The following MYH1 variants were observed in gnomAD, a reference collection of about 807,000 sequenced individuals.
MYH1 encodes myosin-1.
Under a neutral mutation model 225.6 loss-of-function variants are expected in MYH1, and 214 were observed. The ratio of observed to expected loss-of-function variants is 0.95; its 90% CI spans 0.85 to 1.06. MYH1 has a LOEUF of 1.06. MYH1 is among the 50% of genes least tolerant of loss of function. The pLI is 0.00. For synonymous variants in MYH1, 774 were observed against 842.3 expected (o/e 0.92, Z 1.40); for missense variants, 2,098 against 2,344.2 (o/e 0.89, Z 2.17).
At chr17:10,500,537 A>C in intron 28 of MYH1, 89 bp downstream of exon 28, 2 of 1,582,866 alleles carry the variant, frequency 1.3e-6, no homozygotes, top group Non-Finnish European at 1.7e-6. Flanking sequence ...GTAGTATATG[A>C]CCTCAAGTAA....
Position 10,501,674 on chromosome 17 carries a change from C to T in MYH1, c.3268G>A (p.Glu1090Lys). Residue 1090 changes from glutamate to lysine, a missense_variant, in exon 26 of 40, where the codon GAA (glutamate) becomes AAA (lysine). Transcript: ENST00000226207. The stretch of plus-strand genomic sequence containing the variant: ...ATCTTGCTTTGCAGACCGCTCATTT[C>T]AAACTCTTTCCTATTAGAAAAGCCC... ...LDEKLKKKEF[E>K]MSGLQSKIED... 6.2e-7 allele frequency: 1 copy of T among 1,614,224 alleles called. No homozygotes were observed. The highest frequency in any genetic ancestry group is 8.5e-7 in the Non-Finnish European group (1 of 1,180,040).
chr17:10,506,963 T>G (rs904069045), intron 17 of MYH1, among the ~76,000 whole-genome samples: 3 of 152,238 alleles, frequency 2.0e-5, no homozygotes, highest in Non-Finnish European at 4.4e-5. Flanking sequence ...TTACCAAGCG[T>G]GTAAAGTTTT....
chr17:10,503,332 G>C, intron 22 of MYH1, 84 bp from the exon 23 acceptor site: 3 of 1,544,400 alleles, frequency 1.9e-6, no homozygotes, highest in Non-Finnish European at 2.6e-6. Flanking sequence ...AACCAAACAA[G>C]TAAATTGTTT....
chr17:10,513,215 T>C (rs1441440840), intron 9 of MYH1, among the ~76,000 whole-genome samples: 1 of 152,184 alleles, frequency 6.6e-6, no homozygotes, highest in Non-Finnish European at 1.5e-5. Context: ...ATTTGGAATA[T>C]AATTGAGTCC....
chr17:10,505,063 T>A lies in MYH1; in HGVS notation c.2438A>T (p.Glu813Val), dbSNP rs191339081. The A allele has an allele frequency of 8.7e-5, 141 of 1,614,144 alleles. 1 individual carries two copies. In the East Asian group the frequency reaches 2.4e-3, roughly 27 times the overall value. Residue 813 changes from glutamate to valine, a missense_variant and splice_region_variant, in exon 22 of 40, where the codon GAG becomes GTG. Physicochemically the swap from Glu to Val is moderately radical, Grantham distance 121. Coordinates refer to ENST00000226207, the MANE Select transcript of MYH1 (RefSeq NM_005963.4). ...ATTGTACTGGATGCAGAAGATGGAC[T>A]CTCTGTCATAGGAACAGAAATGTCC... ...VEYQKMVERR[E>V]SIFCIQYNVR... is the part of the protein sequence containing the mutation.
Position 10,497,723 on chromosome 17 carries a change from G to A in MYH1, c.4365+11C>T. ...TGTGTTGAAAGTTGAAGCAAAAACTGGAGAGAATACCTTATCAAAGTTCCT... is the reference window on the plus strand; with the variant it reads ...TGTGTTGAAAGTTGAAGCAAAAACTAGAGAGAATACCTTATCAAAGTTCCT... On this transcript the variant is annotated intron_variant, in intron 31 of 39. Coordinates refer to ENST00000226207, the MANE Select transcript of MYH1 (RefSeq NM_005963.4). The A allele has an allele frequency of 8.7e-6, 14 of 1,612,756 alleles. No individual in the cohort carries two copies. The highest frequency in any genetic ancestry group is 1.3e-5 in the African/African-American group (1 of 74,898).
At chr17:10,511,638 G>A (rs912838951) in intron 14 of MYH1, among the ~76,000 whole-genome samples, 2 of 152,184 alleles carry the variant, frequency 1.3e-5, no homozygotes, top group Non-Finnish European at 2.9e-5. Context: ...TGGCAGAGCA[G>A]GAGTTTGAAT....
Position 10,502,750 on chromosome 17 carries a change from T to A in MYH1, c.3099A>T (p.Gln1033His), listed in dbSNP as rs1349240600. The change falls in exon 24 of 40, where the codon CAA (glutamine) becomes CAT (histidine). Residue 1033 changes from glutamine to histidine, a missense_variant. By Grantham distance (24) the Gln-to-His change is conservative. Coordinates refer to ENST00000226207, the MANE Select transcript of MYH1 (RefSeq NM_005963.4). Reference sequence around the variant, plus strand: ...ATGTTAGGCTTACATCATCCACTTGTTGTTCAAGTTTGATTTTAGCTTTGG... The same window carrying A: ...ATGTTAGGCTTACATCATCCACTTGATGTTCAAGTTTGATTTTAGCTTTGG... ...TLTKAKIKLEQQVDDLEGSLE... is the reference protein window; with the variant it reads ...TLTKAKIKLEHQVDDLEGSLE... 3.7e-6 allele frequency: 6 copies of A among 1,614,054 alleles called. No homozygotes were observed. The African/African-American group carries it at 8.0e-5, about 22-fold the overall frequency.
At position 10,516,199 on chromosome 17, in the gene MYH1, G is replaced by A. The variant is rs768724975; in HGVS notation, c.348C>T (p.Tyr116=). 28 of 1,614,078 alleles carry A rather than the reference G, an allele frequency of 1.7e-5. 1 individual carries two copies. Among genetic ancestry groups the A allele is most frequent in the Middle Eastern group, 3.3e-4 (2 of 6,084 alleles). ...LKERYAAWMI[Y]TYSGLFCVTV... ...TAGAAGACCGTGAGAAAGAACTCAC[G>A]TAGATCATCCAGGCTGCGTAGCGCT... is the stretch of plus-strand genomic sequence containing the variant. The change falls in exon 4 of 40, where the codon TAC becomes TAT. Residue 116 remains tyrosine (Y), a splice_region_variant and synonymous_variant. Transcript: ENST00000226207.
At position 10,516,450 on chromosome 17, in the gene MYH1, C is replaced by T. The variant is rs544824288; in HGVS notation, c.193G>A (p.Glu65Lys). The T allele has an allele frequency of 2.2e-5, 35 of 1,614,112 alleles. No homozygotes were observed. Among genetic ancestry groups the T allele is most frequent in the Middle Eastern group, 1.6e-4 (1 of 6,084 alleles). The change falls in exon 3 of 40, where the codon GAA becomes AAA. Residue 65 changes from glutamate to lysine, a missense_variant. Transcript: ENST00000226207. ...GTGTTTTTACTCACAGCTCCAGCTT[C>T]GGTCTTAGCTGTCACCTTCCCCCCT... ...REGGKVTAKT[E>K]AGATVTVKDD...
chr17:10,495,864 A>G, intron 35 of MYH1, 86 bp downstream of exon 35: 1 of 1,499,042 alleles, frequency 6.7e-7, no homozygotes, highest in Non-Finnish European at 9.0e-7. Context: ...AAATCTTATA[A>G]ATAGATTTCT....
Position 10,496,500 on chromosome 17 carries a change from A to T in MYH1, c.4706T>A (p.Leu1569Ter). ...ATCAACCTCAGACTTGACTTGGTTC[A>T]ACTCAAGCTGGATGCGCAGGATCTT... ...EGKILRIQLE[L>*]NQVKSEVDRK... Residue 1569 changes from leucine (L) to a stop codon, truncating the protein, a stop_gained, in exon 34 of 40, where the codon TTG (leucine) becomes TAG (stop). Transcript: ENST00000226207. LOFTEE classifies it high-confidence loss of function. The T allele has an allele frequency of 6.2e-7, 1 of 1,614,134 alleles. No homozygotes were observed.
chr17:10,503,143 C>T lies in MYH1; in HGVS notation c.2797G>A (p.Glu933Lys). 6.2e-7 allele frequency: 1 copy of T among 1,613,914 alleles called. No individual in the cohort carries two copies. Among genetic ancestry groups the T allele is most frequent in the Non-Finnish European group, 8.5e-7 (1 of 1,179,852 alleles). ...IKEVTERAED[E>K]EEINAELTAK... ...GTCAGCTCAGCATTGATCTCTTCCT[C>T]ATCCTCAGCTCTCTCAGTCACCTCT... The change falls in exon 23 of 40, where the codon GAG becomes AAG. Residue 933 changes from glutamate to lysine, a missense_variant. Transcript: ENST00000226207.
Position 10,492,343 on chromosome 17 carries a change from A to G in MYH1, c.*73T>C. 2 of 1,551,646 alleles carry G rather than the reference A, an allele frequency of 1.3e-6. No homozygotes were observed. The highest frequency in any genetic ancestry group is 1.7e-6 in the Non-Finnish European group (2 of 1,146,184). ...TAAATTTTTTATCTCCAAAAGTCAT[A>G]AGTACAAAATGGAGTGACAAAGATT... On this transcript the variant is annotated 3_prime_UTR_variant, in exon 40 of 40. Coordinates refer to ENST00000226207, the MANE Select transcript of MYH1 (RefSeq NM_005963.4).
chr17:10,493,877 G>A (rs1370824114), intron 39 of MYH1, among the ~76,000 whole-genome samples: 5 of 152,120 alleles, frequency 3.3e-5, no homozygotes, highest in East Asian at 1.9e-4. Flanking sequence ...CCACAGAACC[G>A]ACCTGAAAAG....
rs1372154444 is a variant in MYH1, at chr17:10,494,946, C to G, written c.5451G>C (p.Gln1817His). Reference sequence around the variant, plus strand: ...GGAGACCCACCCTGGCCTCCAGTTTCTGGATCTGCTTCTTCCCACCCTTCA... The same window carrying G: ...GGAGACCCACCCTGGCCTCCAGTTTGTGGATCTGCTTCTTCCCACCCTTCA... Reference protein sequence around the residue: ...LALKGGKKQIQKLEARVRELE... With the variant: ...LALKGGKKQIHKLEARVRELE... Residue 1817 changes from glutamine to histidine, a missense_variant, in exon 37 of 40, where the codon CAG (glutamine) becomes CAC (histidine). Gln to His is a conservative substitution (Grantham distance 24). Transcript: ENST00000226207. The G allele has an allele frequency of 6.2e-7, 1 of 1,614,040 alleles. No individual in the cohort carries two copies. Among genetic ancestry groups the G allele is most frequent in the Non-Finnish European group, 8.5e-7 (1 of 1,180,012 alleles).
chr17:10,504,865 T>C lies in MYH1; in HGVS notation c.2636A>G (p.Glu879Gly). 3 of 1,614,204 alleles carry C rather than the reference T, an allele frequency of 1.9e-6. No individual in the cohort carries two copies. In the South Asian group the frequency reaches 3.3e-5, roughly 18 times the overall value. ...KTEAKRKELE[E>G]KMVTLMQEKN... ...TTCTTGCATCAGAGTAACCATTTTT[T>C]CTTCCAGCTCTTTCCTTTTTGCCTC... The change falls in exon 22 of 40, where the codon GAA (glutamate) becomes GGA (glycine). Residue 879 changes from glutamate to glycine, a missense_variant. By Grantham distance (98) the Glu-to-Gly change is moderately conservative. Coordinates refer to ENST00000226207, the MANE Select transcript of MYH1 (RefSeq NM_005963.4).
chr17:10,505,707 A>G, intron 19 of MYH1, 105 bp downstream of exon 19: 1 of 1,487,852 alleles, frequency 6.7e-7, no homozygotes, highest in Non-Finnish European at 9.2e-7. Flanking sequence ...AAGTGAGTTT[A>G]TCTTCTCTTC....
Position 10,503,048 on chromosome 17 carries a change from T to C in MYH1, c.2892A>G (p.Thr964=), listed in dbSNP as rs1331257158. The change falls in exon 23 of 40, where the codon ACA becomes ACG. Residue 964 remains threonine, a synonymous_variant. Transcript: ENST00000226207. Reference sequence around the variant, plus strand: ...GTTTCTCCTTCTCAACCTTGGCCAGTGTCAGCTCAAGGTCATCAATGTCTT... The same window carrying C: ...GTTTCTCCTTCTCAACCTTGGCCAGCGTCAGCTCAAGGTCATCAATGTCTT... ...LKKDIDDLEL[T]LAKVEKEKHA... is the part of the protein sequence containing the mutation. The C allele has an allele frequency of 8.7e-6, 14 of 1,613,738 alleles. No individual in the cohort carries two copies. The highest frequency in any genetic ancestry group is 1.1e-5 in the Non-Finnish European group (13 of 1,179,776).
Sources: gnomAD v4.1 joint callset for allele counts (sites outside exome capture counted in the v4.1 genomes callset) on GRCh38, gnomAD v4.1.1 for gene constraint, MANE v1.5 for transcripts, NCBI Gene and HGNC (gene_info 2026-07-23, HGNC 2026-07-21) for gene names.